PCDHGA10: variants seen among roughly 807,000 people sequenced by gnomAD.
PCDHGA10 encodes protocadherin gamma subfamily A, 10.
In PCDHGA10, 42 loss-of-function variants were observed where a neutral mutation model predicts 59.5. The observed-to-expected ratio is 0.71, with a 90% CI of 0.55 to 0.91. The LOEUF (loss-of-function observed/expected upper bound fraction) is 0.91, where lower values mean the gene tolerates loss of function less well. Ranked by LOEUF, PCDHGA10 falls within the 40% of genes least tolerant of loss-of-function variation. The pLI is 0.00. For missense variants in PCDHGA10, 1,111 were observed against 1,198.2 expected (o/e 0.93, Z 1.07); for synonymous variants, 511 against 517.2 (o/e 0.99, Z 0.16).
intron 1 of PCDHGA10, among the ~76,000 whole-genome samples, chr5:141,429,781 A>G (rs2097245343): frequency 1.3e-5 from 2 of 152,186 alleles, no homozygotes; most frequent in Non-Finnish European, 2.9e-5. Context: ...TGGGCTTCCA[A>G]AAGTATTACC....
rs1023591745 is a variant in PCDHGA10 at position 141,432,912 on chromosome 5, G to T, written c.2436+17301G>T. 2.5e-6 allele frequency: 4 copies of T among 1,614,160 alleles called. No individual in the cohort carries two copies. Among genetic ancestry groups the T allele is most frequent in the Non-Finnish European group, 3.4e-6 (4 of 1,180,012 alleles). On this transcript the variant is annotated intron_variant, in intron 1 of 3. Transcript: ENST00000398610. The surrounding 1 kb of genome is among the most constrained non-coding windows in gnomAD (Gnocchi z 6.0). Reference sequence around the variant, plus strand: ...TTGCTGCTGGCGCTCAGGCTGCGGCGCTGGCACAAGTCACGCCTGCTGCAG... The same window carrying T: ...TTGCTGCTGGCGCTCAGGCTGCGGCTCTGGCACAAGTCACGCCTGCTGCAG...
chr5:141,495,870 CCT>C (rs1183994771), intron 2 of PCDHGA10, among the ~76,000 whole-genome samples: 2 of 152,100 alleles, frequency 1.3e-5, no homozygotes. Flanking sequence ...TTTCTGCTTT[CCT>C]CTCTGTTCTT....
At position 141,477,368 on chromosome 5, in the gene PCDHGA10, G is replaced by A; in HGVS notation, c.2437-17439G>A. Reference sequence around the variant, plus strand: ...GAAAACCAGTGCAGACCTGGATCGGGAGACTGTGCCAGAATACAACCTCAG... The same window carrying A: ...GAAAACCAGTGCAGACCTGGATCGGAAGACTGTGCCAGAATACAACCTCAG... On this transcript the variant is annotated intron_variant, in intron 1 of 3. Coordinates refer to ENST00000398610, the MANE Select transcript of PCDHGA10 (RefSeq NM_018913.3). The surrounding 1 kb of genome is among the most constrained non-coding windows in gnomAD (Gnocchi z 4.9). 6.2e-7 allele frequency: 1 copy of A among 1,614,132 alleles called. No individual in the cohort carries two copies. Among genetic ancestry groups the A allele is most frequent in the Non-Finnish European group, 8.5e-7 (1 of 1,180,024 alleles).
chr5:141,474,412 C>T (rs1282336092), intron 1 of PCDHGA10, among the ~76,000 whole-genome samples: 2 of 152,220 alleles, frequency 1.3e-5, no homozygotes, highest in African/African-American at 2.4e-5. Context: ...CCGGTGATGC[C>T]TAGACCATTG....
In PCDHGA10 at chr5:141,489,835, C is replaced by G; in HGVS notation, c.2437-4972C>G. On this transcript the variant is annotated intron_variant, in intron 1 of 3. Transcript: ENST00000398610. This position sits in a 1 kb window ranked among gnomAD's most constrained non-coding sequence, Gnocchi z 4.5. Reference sequence around the variant, plus strand: ...ATTCCCAGAGCTGGTGCTAGAGCAGCAGCTGGATCGTGAAGCCCAGGCAAG... The same window carrying G: ...ATTCCCAGAGCTGGTGCTAGAGCAGGAGCTGGATCGTGAAGCCCAGGCAAG... The G allele has an allele frequency of 6.2e-7, 1 of 1,614,164 alleles. No homozygotes were observed. Among genetic ancestry groups the G allele is most frequent in the Non-Finnish European group, 8.5e-7 (1 of 1,179,972 alleles).
intron 1 of PCDHGA10, among the ~76,000 whole-genome samples, chr5:141,470,142 A>G (rs1308458765): frequency 6.6e-6 from 1 of 152,044 alleles, no homozygotes; most frequent in Non-Finnish European, 1.5e-5. Context: ...AAAAAAGATC[A>G]TAGATCATCT....
chr5:141,427,222 A>G (rs536161247), intron 1 of PCDHGA10: 1 of 456,774 alleles, frequency 2.2e-6, no homozygotes, highest in South Asian at 1.5e-5. Flanking sequence ...CGTAGCAGTT[A>G]TACCATGAGA....
intron 1 of PCDHGA10, chr5:141,427,595 C>A: frequency 1.5e-6 from 1 of 681,870 alleles, no homozygotes; most frequent in Non-Finnish European, 2.7e-6. Flanking sequence ...CAAGCCTCAC[C>A]CTACGCATTG....
intron 1 of PCDHGA10, chr5:141,421,126 T>G: frequency 1.2e-6 from 1 of 805,588 alleles, no homozygotes; most frequent in Non-Finnish European, 1.9e-6. Context: ...CTTCGCTTTC[T>G]GATATATTTT....
At chr5:141,510,799 C>G in intron 3 of PCDHGA10, 148 bp from the exon 4 acceptor site, 1 of 1,481,460 alleles carries the variant, frequency 6.8e-7, no homozygotes. Context: ...TGAAGAGAGA[C>G]TACCTTGGTG....
intron 1 of PCDHGA10, chr5:141,423,426 GGCAGGTA>G: frequency 1.9e-6 from 3 of 1,614,028 alleles, no homozygotes; most frequent in Non-Finnish European, 2.5e-6. Flanking sequence ...AAGGCGGGTT[GGCAGGTA>G]TGCCCACGTC....
chr5:141,423,574 C>T (rs953989787), intron 1 of PCDHGA10: 2 of 1,613,328 alleles, frequency 1.2e-6, no homozygotes, highest in Non-Finnish European at 1.7e-6. Flanking sequence ...GCTCATCAGC[C>T]AGGAGAGCTG....
Position 141,477,626 on chromosome 5 carries a change from G to C in PCDHGA10, c.2437-17181G>C. The C allele has an allele frequency of 1.2e-6, 2 of 1,614,170 alleles. No homozygotes were observed. Among genetic ancestry groups the C allele is most frequent in the Non-Finnish European group, 1.7e-6 (2 of 1,180,036 alleles). ...TCTCTTGGAGCAAGGAGCTGAAACCGGGCTAGTGGGTCGCTATTTCACAAT... is the reference window on the plus strand; with the variant it reads ...TCTCTTGGAGCAAGGAGCTGAAACCCGGCTAGTGGGTCGCTATTTCACAAT... On this transcript the variant is annotated intron_variant, in intron 1 of 3. Transcript: ENST00000398610. The surrounding 1 kb of genome is among the most constrained non-coding windows in gnomAD (Gnocchi z 4.9).
Position 141,413,342 on chromosome 5 carries a change from TG to T in PCDHGA10, c.170del (p.Gly57ValfsTer14). ...TTCGTGGGCAACATCTCCAAGGACT[TG>T]GGTCTGGCGCCCCGGGAGCTGGCGG... ...GSFVGNISKDLGLAPRELAER... is the reference protein window; with the variant it reads ...GSFVGNISKDXGLAPRELAER... On this transcript the variant is annotated frameshift_variant, in exon 1 of 4. Transcript: ENST00000398610. LOFTEE classifies it high-confidence loss of function. 6.2e-7 allele frequency: 1 copy of T among 1,613,974 alleles called. No homozygotes were observed. The highest frequency in any genetic ancestry group is 1.1e-5 in the South Asian group (1 of 91,090).
chr5:141,492,398 C>T (rs1347317333), intron 1 of PCDHGA10, among the ~76,000 whole-genome samples: 2 of 152,244 alleles, frequency 1.3e-5, no homozygotes, highest in Non-Finnish European at 1.5e-5. Flanking sequence ...CCACTCGCAG[C>T]TCCCCTCTGC....
chr5:141,420,422 A>C, intron 1 of PCDHGA10: 1 of 1,196,438 alleles, frequency 8.4e-7, no homozygotes, highest in Non-Finnish European at 1.1e-6. Context: ...TATTAAAACA[A>C]AAGTTTAAAT....
At position 141,511,241 on chromosome 5, in the gene PCDHGA10, C is replaced by G; in HGVS notation, c.*68C>G. ...CCAGCCCAGCTTCTCCTTACCTGCA[C>G]CCAGGCCTCAGAGTTTCAGGGCTAA... On this transcript the variant is annotated 3_prime_UTR_variant, in exon 4 of 4. Transcript: ENST00000398610. 1 of 1,585,214 alleles carries G rather than the reference C, an allele frequency of 6.3e-7. No individual in the cohort carries two copies. The highest frequency in any genetic ancestry group is 1.1e-5 in the South Asian group (1 of 87,760).
At chr5:141,418,917 C>T in intron 1 of PCDHGA10, 1 of 1,613,988 alleles carries the variant, frequency 6.2e-7, no homozygotes, top group Non-Finnish European at 8.5e-7. Context: ...ACGTCACTCT[C>T]TGATCAGATT....
At position 141,431,918 on chromosome 5, in the gene PCDHGA10, C is replaced by T; in HGVS notation, c.2436+16307C>T. On this transcript the variant is annotated intron_variant, in intron 1 of 3. Transcript: ENST00000398610. This position sits in a 1 kb window ranked among gnomAD's most constrained non-coding sequence, Gnocchi z 4.8. Reference sequence around the variant, plus strand: ...AAACGGACAGGTGATCTGTTTCATCCAAGGAAATCTGCCCTTTAAATTAGA... The same window carrying T: ...AAACGGACAGGTGATCTGTTTCATCTAAGGAAATCTGCCCTTTAAATTAGA... The T allele has an allele frequency of 6.2e-7, 1 of 1,613,998 alleles. No individual in the cohort carries two copies. The highest frequency in any genetic ancestry group is 8.5e-7 in the Non-Finnish European group (1 of 1,179,862).
Sources: allele counts gnomAD v4.1 joint callset (sites outside exome capture counted in the v4.1 genomes callset), GRCh38; gene constraint gnomAD v4.1.1; non-coding constraint Gnocchi (gnomAD v3.1); transcripts MANE v1.5; gene names NCBI Gene and HGNC (gene_info 2026-07-23, HGNC 2026-07-21).